The following CLCN3 variants were observed in gnomAD, a reference collection of about 807,000 sequenced individuals.
CLCN3 encodes H(+)/Cl(-) exchange transporter 3.
A neutral mutation model predicts 83.4 loss-of-function variants in CLCN3; 16 were observed. The ratio of observed to expected loss-of-function variants is 0.19; its 90% CI spans 0.13 to 0.29. CLCN3 has a LOEUF of 0.29. CLCN3 is among the 10% of genes least tolerant of loss of function. The pLI, the probability that CLCN3 is intolerant of heterozygous loss-of-function variation, is 1.00. For synonymous variants in CLCN3, 322 were observed against 346.2 expected (o/e 0.93, Z 0.78); for missense variants, 544 against 1,006.0 (o/e 0.54, Z 6.21).
chr4:169,692,005 C>T, intron 6 of CLCN3, 109 bp from the exon 7 acceptor site: 1 of 715,028 alleles, frequency 1.4e-6, no homozygotes, highest in East Asian at 2.7e-5. Context: ...CTGTAGACTG[C>T]TAAAATTTGC....
At chr4:169,681,162 C>T (rs1731922375) in intron 3 of CLCN3, among the ~76,000 whole-genome samples, 1 of 152,170 alleles carries the variant, frequency 6.6e-6, no homozygotes, top group Non-Finnish European at 1.5e-5. Flanking sequence ...GATTCTTGTA[C>T]TCAGCCTCCT....
intron 2 of CLCN3, among the ~76,000 whole-genome samples, chr4:169,640,368 T>C (rs1730375145): frequency 6.6e-6 from 1 of 152,340 alleles, no homozygotes. Flanking sequence ...CTTCAGTAGA[T>C]ATCTGTTGCA....
intron 2 of CLCN3, among the ~76,000 whole-genome samples, chr4:169,640,148 C>T (rs1560830979): frequency 6.6e-6 from 1 of 152,188 alleles, no homozygotes; most frequent in Non-Finnish European, 1.5e-5. Flanking sequence ...TAAATAGTAG[C>T]TGTTTCTGTT....
chr4:169,638,285 C>G (rs900499105), intron 2 of CLCN3, among the ~76,000 whole-genome samples: 3 of 152,132 alleles, frequency 2.0e-5, no homozygotes, highest in African/African-American at 7.2e-5. Context: ...TACTTTACCT[C>G]TTTTTACCCC....
intron 9 of CLCN3, among the ~76,000 whole-genome samples, chr4:169,698,435 TC>T (rs1240523354): frequency 6.6e-6 from 1 of 152,114 alleles, no homozygotes; most frequent in Admixed American, 6.6e-5. Flanking sequence ...CTTTTTCCTC[TC>T]TCTCTGTGGT....
At chr4:169,706,449 CAT>C (rs1413672669) in intron 10 of CLCN3, among the ~76,000 whole-genome samples, 1 of 152,002 alleles carries the variant, frequency 6.6e-6, no homozygotes, top group African/African-American at 2.4e-5. Context: ...ATATTCTACC[CAT>C]ATATGAGTTT....
intron 7 of CLCN3, among the ~76,000 whole-genome samples, chr4:169,695,394 C>G (rs1732527352): frequency 6.6e-6 from 1 of 152,036 alleles, no homozygotes; most frequent in Non-Finnish European, 1.5e-5. Flanking sequence ...TTTTTTTTAA[C>G]TGAATGGTAA....
chr4:169,722,956 T>G lies in CLCN3; in HGVS notation c.*2959T>G, dbSNP rs1733686049. On this transcript the variant is annotated 3_prime_UTR_variant, in exon 13 of 13. Transcript: ENST00000513761. The stretch of plus-strand genomic sequence containing the variant: ...AGTGTAGCGCCTTGTTTGAATACCC[T>G]TTTTGAGAAGGTATGATGAGAATGG... 1.3e-5 allele frequency: 2 copies of G among 152,216 alleles called. No homozygotes were observed. The highest frequency in any genetic ancestry group is 4.1e-4 in the South Asian group (2 of 4,834). 9.4% of individuals were successfully genotyped at this position (152,216 alleles called of 1,614,324 possible).
At chr4:169,653,791 G>A (rs1730805465) in intron 2 of CLCN3, among the ~76,000 whole-genome samples, 1 of 152,106 alleles carries the variant, frequency 6.6e-6, no homozygotes, top group Non-Finnish European at 1.5e-5. Flanking sequence ...CACATGGTGA[G>A]AGAGGCAGCA....
chr4:169,676,624 T>C (rs985915473), intron 2 of CLCN3, among the ~76,000 whole-genome samples: 1 of 151,522 alleles, frequency 6.6e-6, no homozygotes, highest in Non-Finnish European at 1.5e-5. Flanking sequence ...TAGCTGGGAC[T>C]ACAGACACAT....
intron 2 of CLCN3, among the ~76,000 whole-genome samples, chr4:169,678,873 CTAT>C (rs775110905): frequency 3.3e-5 from 5 of 151,900 alleles, no homozygotes; most frequent in Non-Finnish European, 7.4e-5. Context: ...TTCCCCTTTT[CTAT>C]TTGACAAAAC....
At chr4:169,646,466 T>C (rs1405488265) in intron 2 of CLCN3, among the ~76,000 whole-genome samples, 4 of 141,406 alleles carry the variant, frequency 2.8e-5, no homozygotes, top group Non-Finnish European at 4.8e-5. Flanking sequence ...GTTTTTATAC[T>C]TTTTTTTTTC....
At chr4:169,673,228 T>C (rs898303802) in intron 2 of CLCN3, among the ~76,000 whole-genome samples, 1 of 152,182 alleles carries the variant, frequency 6.6e-6, no homozygotes, top group Non-Finnish European at 1.5e-5. Context: ...CTAAAGTAAA[T>C]GTTTGAATGT....
chr4:169,716,421 C>G (rs532275383), intron 12 of CLCN3, among the ~76,000 whole-genome samples: 2 of 152,120 alleles, frequency 1.3e-5, no homozygotes, highest in African/African-American at 4.8e-5. Context: ...GATAGAAAAG[C>G]ATGAGTAAGA....
chr4:169,625,293 A>G (rs1216731090), intron 1 of CLCN3, among the ~76,000 whole-genome samples: 1 of 151,978 alleles, frequency 6.6e-6, no homozygotes, highest in African/African-American at 2.4e-5. Flanking sequence ...TTTTCTTTTT[A>G]GCTTAACAGA....
rs749339317 is a variant in CLCN3, at chr4:169,620,603, CG to C, written c.-475del. ...CTCTTCCCCTTCCGTGGGTCAGGGC[CG>C]GTCCGGTCCGGAACCTGCAGCCCCT... On this transcript the variant is annotated 5_prime_UTR_variant, in exon 1 of 13. Transcript: ENST00000513761. 2.5e-6 allele frequency: 1 copy of C among 397,066 alleles called. No homozygotes were observed. Among genetic ancestry groups the C allele is most frequent in the Non-Finnish European group, 4.4e-6 (1 of 225,754 alleles). 24.6% of individuals were successfully genotyped at this position (397,066 alleles called of 1,614,324 possible). A position where few individuals can be genotyped will look rare whatever the true frequency, so the allele number is the denominator to read the frequency against.
At position 169,689,036 on chromosome 4, in the gene CLCN3, T is replaced by C; in HGVS notation, c.419-7T>C. ...ATTTTTTTACCATCTCCAACATGTT[T>C]TTATAGGGGCACTGGCCGGATTAAT... On this transcript the variant is annotated splice_polypyrimidine_tract_variant and splice_region_variant and intron_variant, in intron 4 of 12. Transcript: ENST00000513761. 4.4e-6 allele frequency: 7 copies of C among 1,603,090 alleles called. No individual in the cohort carries two copies. The highest frequency in any genetic ancestry group is 5.1e-6 in the Non-Finnish European group (6 of 1,176,976).
chr4:169,637,843 GA>G (rs1730273936), intron 2 of CLCN3, among the ~76,000 whole-genome samples: 1 of 151,910 alleles, frequency 6.6e-6, no homozygotes, highest in African/African-American at 2.4e-5. Flanking sequence ...CCATTTGTTG[GA>G]AAAAACTTTG....
At chr4:169,694,882 A>G (rs558702031) in intron 7 of CLCN3, among the ~76,000 whole-genome samples, 100 of 152,286 alleles carry the variant, frequency 6.6e-4, no homozygotes, top group Non-Finnish European at 1.4e-3. Context: ...AATAATTACA[A>G]ATAAAACCCT....
Sources: allele counts gnomAD v4.1 joint callset (sites outside exome capture counted in the v4.1 genomes callset), GRCh38; gene constraint gnomAD v4.1.1; transcripts MANE v1.5; gene names NCBI Gene and HGNC (gene_info 2026-07-23, HGNC 2026-07-21).